DCDC1: variants seen among roughly 807,000 people sequenced by gnomAD.
DCDC1 encodes the protein doublecortin domain containing 1.
Under a neutral mutation model 178.3 loss-of-function variants are expected in DCDC1, and 200 were observed. The ratio of observed to expected loss-of-function variants is 1.12; its 90% CI spans 1.00 to 1.26. DCDC1 has a LOEUF of 1.26. DCDC1 is among the 50% of genes most tolerant of loss of function. DCDC1 has a pLI of 0.00. For missense variants in DCDC1, 1,983 were observed against 1,749.2 expected (o/e 1.13, Z -2.38); for synonymous variants, 690 against 604.8 (o/e 1.14, Z -2.07).
intron 21 of DCDC1, among the ~76,000 whole-genome samples, chr11:30,950,937 C>G (rs1948379775): frequency 6.6e-6 from 1 of 151,982 alleles, no homozygotes; most frequent in Middle Eastern, 3.2e-3. Flanking sequence ...TCATTACACA[C>G]TACATGATAT....
intron 29 of DCDC1, among the ~76,000 whole-genome samples, chr11:30,908,376 G>C (rs1422137871): frequency 6.6e-6 from 1 of 152,022 alleles, no homozygotes; most frequent in Admixed American, 6.6e-5. Flanking sequence ...GCCAGACTAC[G>C]CAACTGAGTG....
intron 20 of DCDC1, among the ~76,000 whole-genome samples, chr11:31,052,115 C>T (rs1955297067): frequency 1.3e-5 from 2 of 152,068 alleles, no homozygotes; most frequent in Non-Finnish European, 2.9e-5. Context: ...ACTCATCAAC[C>T]ACATAAGAAC....
In DCDC1 at chr11:31,239,206, T is replaced by C. The variant is rs147755868; in HGVS notation, c.1221+2244A>G. On this transcript the variant is annotated intron_variant, in intron 9 of 38. Transcript: ENST00000684477. The stretch of plus-strand genomic sequence containing the variant: ...ATCATCTACCTCCATTTCACCTATC[T>C]AAAGATTCTTTAAAACAATCTTATA... Among the ~76,000 whole-genome samples the C allele has an allele frequency of 7.5e-3, 1,144 of 152,144 alleles. 10 individuals are homozygous for C. Among genetic ancestry groups the C allele is most frequent in the African/African-American group, 0.024 (1,015 of 41,544 alleles).
intron 6 of DCDC1, among the ~76,000 whole-genome samples, chr11:31,299,359 A>G (rs1277068541): frequency 1.3e-5 from 2 of 152,190 alleles, no homozygotes; most frequent in African/African-American, 2.4e-5. Flanking sequence ...TATTGTGCCA[A>G]TCAAAATGTT....
intron 37 of DCDC1, among the ~76,000 whole-genome samples, chr11:30,879,878 C>G (rs1210657483): frequency 6.6e-6 from 1 of 152,092 alleles, no homozygotes; most frequent in Non-Finnish European, 1.5e-5. Flanking sequence ...GGACACAATA[C>G]TGCAAGAAAG....
At chr11:30,940,994 T>C (rs1310179600) in intron 21 of DCDC1, among the ~76,000 whole-genome samples, 1 of 152,234 alleles carries the variant, frequency 6.6e-6, no homozygotes, top group Non-Finnish European at 1.5e-5. Context: ...TCTCACAAGT[T>C]AGTTAAAACA....
chr11:31,306,199 A>T (rs1011181419), intron 5 of DCDC1, 33 bp downstream of exon 5: 15 of 1,438,752 alleles, frequency 1.0e-5, no homozygotes, highest in Non-Finnish European at 1.4e-5. Context: ...GGGAAAAAAA[A>T]TAAAGCACAG....
chr11:31,322,846 T>C (rs1949439552), intron 3 of DCDC1, among the ~76,000 whole-genome samples: 1 of 152,248 alleles, frequency 6.6e-6, no homozygotes, highest in African/African-American at 2.4e-5. Context: ...AACTTTCAGT[T>C]GAATTTTGTT....
chr11:31,341,104 G>C (rs768734), intron 1 of DCDC1, among the ~76,000 whole-genome samples: 43,454 of 151,932 alleles, frequency 0.29, 6,347 homozygotes, highest in African/African-American at 0.33. Flanking sequence ...TGGAGAGCTA[G>C]TAGGGAGGAG....
chr11:31,124,168 G>T (rs1961240715), intron 11 of DCDC1, among the ~76,000 whole-genome samples: 2 of 151,938 alleles, frequency 1.3e-5, no homozygotes, highest in Admixed American at 1.3e-4. Flanking sequence ...GTCATAAATA[G>T]GTCTTATTAT....
intron 20 of DCDC1, among the ~76,000 whole-genome samples, chr11:31,021,732 A>G (rs903579642): frequency 3.3e-5 from 5 of 152,260 alleles, no homozygotes; most frequent in African/African-American, 1.2e-4. Context: ...AACTAATTTA[A>G]AAATTTGGTG....
chr11:30,978,599 G>T (rs73467141), intron 20 of DCDC1, among the ~76,000 whole-genome samples: 3,880 of 152,024 alleles, frequency 0.026, 172 homozygotes, highest in African/African-American at 0.087. Flanking sequence ...TACCTCAAGT[G>T]TTTATCATTT....
rs778078007 is a variant in DCDC1, at chr11:31,328,259, C to A, written c.22G>T (p.Asp8Tyr). ...GACTGAGATAGTGCTTCTCTGTGAT[C>A]TTCTGCTCCTGTTTTTGCCATTTTC... MAKTGAE[D>Y]HREALSQSSL... The change falls in exon 3 of 39, where the codon GAT becomes TAT. Residue 8 changes from aspartate to tyrosine, a missense_variant. Asp to Tyr is a radical substitution (Grantham distance 160). Coordinates refer to ENST00000684477, the MANE Select transcript of DCDC1 (RefSeq NM_001387274.1). 1.3e-6 allele frequency: 2 copies of A among 1,570,494 alleles called. No homozygotes were observed. The highest frequency in any genetic ancestry group is 1.7e-6 in the Non-Finnish European group (2 of 1,155,742).
intron 20 of DCDC1, among the ~76,000 whole-genome samples, chr11:31,026,647 A>G (rs1953257533): frequency 6.6e-6 from 1 of 151,830 alleles, no homozygotes; most frequent in Non-Finnish European, 1.5e-5. Flanking sequence ...GTCTCGTCAT[A>G]ACTACTTTGA....
At position 31,153,836 on chromosome 11, in the gene DCDC1, C is replaced by A. The variant is rs1235395055; in HGVS notation, c.1222-16052G>T. Among the ~76,000 whole-genome samples the A allele has an allele frequency of 5.3e-5, 6 of 113,184 alleles. No individual in the cohort carries two copies. The East Asian group carries it at 1.8e-3, about 34-fold the overall frequency. The allele number at this position is 113,184 out of a possible 152,430, so 74.3% of individuals were successfully genotyped here. A position where few individuals can be genotyped will look rare whatever the true frequency, so the allele number is the denominator to read the frequency against. On this transcript the variant is annotated intron_variant, in intron 9 of 38. Coordinates refer to ENST00000684477, the MANE Select transcript of DCDC1 (RefSeq NM_001387274.1). ...CACACACAATTACCATAACTCTATG[C>A]TGTATCATTCACACAGTGTCATGCA...
At chr11:31,067,677 T>A (rs1163436597) in intron 18 of DCDC1, among the ~76,000 whole-genome samples, 2 of 152,180 alleles carry the variant, frequency 1.3e-5, no homozygotes, top group East Asian at 3.9e-4. Context: ...AAAAAGGTGA[T>A]GTTTCCATAC....
intron 9 of DCDC1, among the ~76,000 whole-genome samples, chr11:31,208,725 G>A (rs1972148548): frequency 6.6e-6 from 1 of 151,992 alleles, no homozygotes; most frequent in South Asian, 2.1e-4. Flanking sequence ...CTCCTCAAAT[G>A]CACCACTCTG....
chr11:31,238,958 A>C (rs569943071), intron 9 of DCDC1, among the ~76,000 whole-genome samples: 1 of 152,250 alleles, frequency 6.6e-6, no homozygotes, highest in Admixed American at 6.6e-5. Context: ...TTGTAAACAT[A>C]AAACCAGTAG....
chr11:30,969,420 A>G (rs1186062198), intron 20 of DCDC1, among the ~76,000 whole-genome samples: 5 of 152,128 alleles, frequency 3.3e-5, no homozygotes, highest in African/African-American at 1.2e-4. Flanking sequence ...GAGGCAAGGA[A>G]TGTATTGTTC....
Sources: allele counts gnomAD v4.1 joint callset (sites outside exome capture counted in the v4.1 genomes callset), GRCh38; gene constraint gnomAD v4.1.1; transcripts MANE v1.5; gene names NCBI Gene and HGNC (gene_info 2026-07-23, HGNC 2026-07-21).